Variants in ADGRL2 observed in about 807,000 individuals in gnomAD.
The protein encoded by ADGRL2 is calcium-independent alpha-latrotoxin receptor 2.
A neutral mutation model predicts 157.4 loss-of-function variants in ADGRL2; 44 were observed. The ratio of observed to expected loss-of-function variants is 0.28; its 90% CI spans 0.22 to 0.36. The LOEUF is 0.36. Among genes scored for constraint, ADGRL2 ranks in the 10% least tolerant of loss-of-function variants. The pLI, the probability that ADGRL2 is intolerant of heterozygous loss-of-function variation, is 1.00. For missense variants in ADGRL2, 1,510 were observed against 1,768.9 expected, an observed-to-expected ratio of 0.85 and a Z score of 2.63; for synonymous variants, 585 against 624.7, an observed-to-expected ratio of 0.94 and a Z score of 0.95.
At chr1:81,699,634 T>G (rs369573717), upstream of ADGRL2, 1 of 152,210 alleles carries the variant, frequency 6.6e-6, no homozygotes, top group Non-Finnish European at 1.5e-5. Context: ...GCTTAGGAAA[T>G]TCCTGACGAA....
At chr1:81,323,739 G>T (rs12406170) in intron 1 of ADGRL2, among the ~76,000 whole-genome samples, 32,016 of 152,090 alleles carry the variant, frequency 0.21, 3,476 homozygotes, top group Admixed American at 0.27. Flanking sequence ...AGGCTTCTTT[G>T]AAGAAGTGAT....
chr1:81,951,925 T>A (rs562096088), intron 8 of ADGRL2, 32 bp from the exon 9 acceptor site: 249 of 1,520,490 alleles, frequency 1.6e-4, no homozygotes, highest in African/African-American at 2.0e-4. Flanking sequence ...GAAAAAAAAA[T>A]TTAAATGAGA....
chr1:81,580,911 C>A (rs956097358), exon 3 of ADGRL2: 2 of 152,158 alleles, frequency 1.3e-5, no homozygotes, highest in Admixed American at 6.6e-5. Context: ...ATTTTGATTT[C>A]TCCAATGAAG....
At chr1:81,989,741 G>C in intron 23 of ADGRL2, 1 of 1,605,922 alleles carries the variant, frequency 6.2e-7, no homozygotes, top group Non-Finnish European at 8.5e-7. Flanking sequence ...CTATCGTGAT[G>C]TTGGATGGTG....
rs527266393 is a variant in ADGRL2 at position 81,489,443 on chromosome 1, C to T, written c.-248+44354C>T. On this transcript the variant is annotated intron_variant, in intron 2 of 24. Transcript: ENST00000370721. ...GGAACAGAAAGAAATAAGATTAAAA[C>T]AAAATATACAGCCTAAGGGACCTGT... Among the ~76,000 whole-genome samples, 3 of 152,052 alleles carry T rather than the reference C, an allele frequency of 2.0e-5. No individual in the cohort carries two copies. The East Asian group carries it at 5.8e-4, about 29-fold the overall frequency.
At chr1:81,496,494 A>T (rs2078733334) in intron 2 of ADGRL2, among the ~76,000 whole-genome samples, 1 of 152,180 alleles carries the variant, frequency 6.6e-6, no homozygotes, top group South Asian at 2.1e-4. Flanking sequence ...TTGAAAAGAG[A>T]TGGGTCGTCA....
chr1:81,502,928 C>A lies in ADGRL2; in HGVS notation c.-248+57839C>A. 3.1e-6 allele frequency: 5 copies of A among 1,612,266 alleles called. No individual in the cohort carries two copies. The South Asian group carries it at 5.5e-5, about 18-fold the overall frequency. On this transcript the variant is annotated intron_variant, in intron 2 of 24. Coordinates refer to the ADGRL2 transcript ENST00000370721. ...ACCAATACCAGTAGCCCTCGAATATCCCCAGCAACCACTCTCAGGAAAGGT... is the reference window on the plus strand; with the variant it reads ...ACCAATACCAGTAGCCCTCGAATATACCCAGCAACCACTCTCAGGAAAGGT...
At chr1:81,736,275 A>T (rs2084899349) in intron 1 of ADGRL2, among the ~76,000 whole-genome samples, 1 of 152,120 alleles carries the variant, frequency 6.6e-6, no homozygotes, top group African/African-American at 2.4e-5. Flanking sequence ...TTTGTGCTTA[A>T]ATGGTTCATT....
chr1:81,377,622 G>A (rs1272675224), intron 1 of ADGRL2, among the ~76,000 whole-genome samples: 1 of 152,060 alleles, frequency 6.6e-6, no homozygotes, highest in African/African-American at 2.4e-5. Flanking sequence ...TGATACGCAC[G>A]TCACCAGCCC....
intron 1 of ADGRL2, among the ~76,000 whole-genome samples, chr1:81,392,755 C>T (rs1351119102): frequency 6.6e-6 from 1 of 151,848 alleles, no homozygotes; most frequent in Non-Finnish European, 1.5e-5. Flanking sequence ...AGTTCAGCCT[C>T]TCTTTCTTAT....
At chr1:81,421,929 T>C (rs1426545706) in intron 1 of ADGRL2, among the ~76,000 whole-genome samples, 1 of 152,200 alleles carries the variant, frequency 6.6e-6, no homozygotes, top group African/African-American at 2.4e-5. Flanking sequence ...CACACTCATC[T>C]CAGCTGGGAA....
chr1:81,619,087 C>A (rs2081730429), intron 3 of ADGRL2, among the ~76,000 whole-genome samples: 1 of 152,162 alleles, frequency 6.6e-6, no homozygotes, highest in South Asian at 2.1e-4. Context: ...ACAGAATAAG[C>A]AATTTGGTCT....
intron 17 of ADGRL2, among the ~76,000 whole-genome samples, chr1:81,974,843 A>G (rs1464623103): frequency 1.3e-5 from 2 of 152,058 alleles, no homozygotes; most frequent in Non-Finnish European, 2.9e-5. Flanking sequence ...GTGTCATATC[A>G]TTAAGCAGTT....
intron 3 of ADGRL2, among the ~76,000 whole-genome samples, chr1:81,666,002 G>A (rs1021023557): frequency 3.3e-5 from 5 of 152,056 alleles, no homozygotes; most frequent in African/African-American, 7.2e-5. Flanking sequence ...CTGAATAGCT[G>A]GACTAAGGCA....
chr1:81,637,117 T>C (rs1270737737), intron 3 of ADGRL2, among the ~76,000 whole-genome samples: 1 of 152,186 alleles, frequency 6.6e-6, no homozygotes, highest in Admixed American at 6.5e-5. Flanking sequence ...GTGCTGGGAT[T>C]ACAGGCATGA....
chr1:81,935,188 G>C (rs1389050482), intron 3 of ADGRL2, among the ~76,000 whole-genome samples: 1 of 151,832 alleles, frequency 6.6e-6, no homozygotes, highest in Non-Finnish European at 1.5e-5. Flanking sequence ...TTCTTCAGAT[G>C]AGTGAACCAA....
chr1:81,516,944 G>A (rs1365863129), intron 2 of ADGRL2, among the ~76,000 whole-genome samples: 1 of 151,686 alleles, frequency 6.6e-6, no homozygotes, highest in African/African-American at 2.4e-5. Context: ...TACAGTGGGT[G>A]GTTAATAAAT....
chr1:81,514,744 AC>A (rs2079143403), intron 2 of ADGRL2: 1 of 152,216 alleles, frequency 6.6e-6, no homozygotes, highest in Non-Finnish European at 1.5e-5. Context: ...GCTTATAAGT[AC>A]CAAAAACCCC....
chr1:81,529,161 T>C (rs2079542256), intron 2 of ADGRL2, among the ~76,000 whole-genome samples: 2 of 152,064 alleles, frequency 1.3e-5, no homozygotes, highest in Admixed American at 6.5e-5. Flanking sequence ...AACCTGGCCG[T>C]GGTGGGAGGA....
Sources: allele counts gnomAD v4.1 joint callset (sites outside exome capture counted in the v4.1 genomes callset), GRCh38; gene constraint gnomAD v4.1.1; transcripts MANE v1.5; gene names NCBI Gene and HGNC (gene_info 2026-07-23, HGNC 2026-07-21).